RIMS1: variants seen among roughly 807,000 people sequenced by gnomAD.
RIMS1 encodes the protein regulating synaptic membrane exocytosis protein 1.
RIMS1 carries 83 observed loss-of-function variants against 214.1 expected under a neutral mutation model. The ratio of observed to expected loss-of-function variants is 0.39; its 90% confidence interval spans 0.32 to 0.47. RIMS1 has a LOEUF of 0.47. Among genes scored for constraint, RIMS1 ranks in the 20% least tolerant of loss-of-function variants. The probability of loss-of-function intolerance (pLI) is 0.99; values close to 1 mark genes in which losing one functional copy is unlikely to be tolerated. For missense variants in RIMS1, 2,050 were observed against 2,161.8 expected (o/e 0.95, Z 1.03); for synonymous variants, 793 against 786.8 (o/e 1.01, Z -0.13).
intron 1 of RIMS1, among the ~76,000 whole-genome samples, chr6:71,927,436 A>G (rs1163202826): frequency 6.6e-6 from 1 of 152,172 alleles, no homozygotes; most frequent in Non-Finnish European, 1.5e-5. Context: ...GATGAATAAA[A>G]AAAAGTCACA....
At chr6:72,175,429 T>G in intron 4 of RIMS1, 1 of 373,392 alleles carries the variant, frequency 2.7e-6, no homozygotes. Flanking sequence ...TCCCAGCACT[T>G]TGGGAGGCTG....
intron 6 of RIMS1, among the ~76,000 whole-genome samples, chr6:72,191,236 A>G (rs1042674214): frequency 1.3e-5 from 2 of 152,188 alleles, no homozygotes; most frequent in Non-Finnish European, 2.9e-5. Context: ...CAAAATCCAA[A>G]TAGGCCCACT....
intron 29 of RIMS1, among the ~76,000 whole-genome samples, chr6:72,351,102 TG>T (rs1423634879): frequency 6.6e-6 from 1 of 152,122 alleles, no homozygotes; most frequent in Non-Finnish European, 1.5e-5. Context: ...GTATATGAAA[TG>T]TAATTTTTTA....
chr6:72,109,939 C>A (rs2035678964), intron 4 of RIMS1, among the ~76,000 whole-genome samples: 1 of 152,070 alleles, frequency 6.6e-6, no homozygotes, highest in Non-Finnish European at 1.5e-5. Context: ...GTTTTCCCAG[C>A]ACCATTTATT....
At chr6:72,328,825 T>G (rs2096568476) in intron 28 of RIMS1, among the ~76,000 whole-genome samples, 1 of 151,718 alleles carries the variant, frequency 6.6e-6, no homozygotes, top group Non-Finnish European at 1.5e-5. Context: ...TTGCAAAAAT[T>G]CTACCAAACT....
chr6:71,976,777 A>T (rs1460850477), intron 2 of RIMS1, among the ~76,000 whole-genome samples: 1 of 152,062 alleles, frequency 6.6e-6, no homozygotes, highest in African/African-American at 2.4e-5. Flanking sequence ...TATATGATGT[A>T]TGTGTTTTTA....
At chr6:72,300,957 A>G (rs1054451020) in intron 26 of RIMS1, among the ~76,000 whole-genome samples, 13 of 151,768 alleles carry the variant, frequency 8.6e-5, no homozygotes, top group African/African-American at 2.4e-4. Context: ...TGCCAATGTT[A>G]AATTTCACTT....
At chr6:71,899,906 G>C (rs896956611) in intron 1 of RIMS1, among the ~76,000 whole-genome samples, 2 of 152,096 alleles carry the variant, frequency 1.3e-5, no homozygotes, top group Non-Finnish European at 2.9e-5. Flanking sequence ...ATTTGTTCTT[G>C]AAGCAAAAAT....
At chr6:71,964,862 T>A (rs1449793361) in intron 1 of RIMS1, among the ~76,000 whole-genome samples, 1 of 152,136 alleles carries the variant, frequency 6.6e-6, no homozygotes, top group African/African-American at 2.4e-5. Context: ...TGTTGAAGAA[T>A]GGCATGAAGC....
intron 22 of RIMS1, among the ~76,000 whole-genome samples, chr6:72,267,366 C>T (rs181283457): frequency 6.6e-6 from 1 of 151,974 alleles, no homozygotes; most frequent in African/African-American, 2.4e-5. Flanking sequence ...ATCTTCTGAC[C>T]ATAGCAGCCT....
chr6:72,200,771 T>A (rs907816717), intron 6 of RIMS1, among the ~76,000 whole-genome samples: 3 of 152,062 alleles, frequency 2.0e-5, no homozygotes, highest in Non-Finnish European at 4.4e-5. Context: ...AGAACTAATT[T>A]CTTCTTACTG....
At chr6:72,375,380 A>G (rs968023301) in intron 29 of RIMS1, among the ~76,000 whole-genome samples, 3 of 152,158 alleles carry the variant, frequency 2.0e-5, no homozygotes, top group Non-Finnish European at 4.4e-5. Flanking sequence ...TTTCTCCTCT[A>G]AAAGCATAAA....
intron 4 of RIMS1, among the ~76,000 whole-genome samples, chr6:72,107,749 G>T (rs1005710433): frequency 1.3e-5 from 2 of 152,124 alleles, no homozygotes; most frequent in Non-Finnish European, 2.9e-5. Flanking sequence ...TTTCATATTT[G>T]TTGGGAAAAT....
chr6:72,399,547 G>A (rs1489332058), intron 33 of RIMS1, among the ~76,000 whole-genome samples: 2 of 152,152 alleles, frequency 1.3e-5, no homozygotes, highest in African/African-American at 2.4e-5. Context: ...GAGAGGAAAA[G>A]AGAAGTGTGC....
At position 72,010,014 on chromosome 6, in the gene RIMS1, CACA is replaced by C. The variant is rs1254587903; in HGVS notation, c.245+40962_245+40964del. The stretch of plus-strand genomic sequence containing the variant: ...TCCTCATACCAAAACCTGGCAGAGA[CACA>C]ACAACAACAAAAAAGAGAATTTTAG... On this transcript the variant is annotated intron_variant, in intron 2 of 33. Coordinates refer to ENST00000521978, the MANE Select transcript of RIMS1 (RefSeq NM_014989.7). Among the ~76,000 whole-genome samples the C allele has an allele frequency of 1.4e-4, 21 of 152,200 alleles. 1 individual carries two copies. In the East Asian group the frequency reaches 3.7e-3, roughly 27 times the overall value.
chr6:71,954,895 C>T (rs1199219002), intron 1 of RIMS1, among the ~76,000 whole-genome samples: 1 of 133,994 alleles, frequency 7.5e-6, no homozygotes, highest in African/African-American at 3.0e-5. Context: ...ACACACACAC[C>T]TAGAGGTGAC....
chr6:72,108,210 C>A (rs2035182917), intron 4 of RIMS1, among the ~76,000 whole-genome samples: 1 of 151,974 alleles, frequency 6.6e-6, no homozygotes, highest in African/African-American at 2.4e-5. Flanking sequence ...TCTTCGCTTC[C>A]TGCAGCTGGG....
At chr6:72,129,107 T>C (rs771164833) in intron 4 of RIMS1, among the ~76,000 whole-genome samples, 1 of 152,216 alleles carries the variant, frequency 6.6e-6, no homozygotes, top group Admixed American at 6.5e-5. Flanking sequence ...TGTTAGCTCT[T>C]CTGGACTCCA....
At chr6:72,029,732 C>T (rs1168734987) in intron 2 of RIMS1, among the ~76,000 whole-genome samples, 1 of 152,182 alleles carries the variant, frequency 6.6e-6, no homozygotes. Flanking sequence ...AATACCAAAA[C>T]ATCTGTCCCA....
Sources: allele counts gnomAD v4.1 joint callset (sites outside exome capture counted in the v4.1 genomes callset), GRCh38; gene constraint gnomAD v4.1.1; transcripts MANE v1.5; gene names NCBI Gene and HGNC (gene_info 2026-07-23, HGNC 2026-07-21).